The following TDRP variants were observed in gnomAD, a reference collection of about 807,000 sequenced individuals.
TDRP encodes testis development-related protein.
A neutral mutation model predicts 10.5 loss-of-function variants in TDRP; 12 were observed. The observed-to-expected ratio is 1.15, with a 90% CI of 0.73 to 1.86. The LOEUF (loss-of-function observed/expected upper bound fraction) is 1.86, where lower values mean the gene tolerates loss of function less well. Among genes scored for constraint, TDRP ranks in the 40% most tolerant of loss-of-function variants. The pLI is 0.00. For missense variants in TDRP, 353 were observed against 229.2 expected (o/e 1.54, Z -3.49); for synonymous variants, 139 against 95.4 (o/e 1.46, Z -2.67).
intron 1 of TDRP, among the ~76,000 whole-genome samples, chr8:513,275 A>G (rs972762906): frequency 3.3e-5 from 5 of 152,106 alleles, no homozygotes; most frequent in South Asian, 2.1e-4. Flanking sequence ...AAATGCCACC[A>G]AACTGAATCC....
intron 1 of TDRP, among the ~76,000 whole-genome samples, chr8:530,441 T>C (rs187716344): frequency 1.3e-5 from 2 of 152,264 alleles, no homozygotes; most frequent in East Asian, 3.9e-4. Context: ...TTGCTGGGAT[T>C]TGGGGTATCT....
At position 492,338 on chromosome 8, in the gene TDRP, A is replaced by T. The variant is rs141162627; in HGVS notation, c.*61T>A. 21,757 of 1,407,008 alleles carry T rather than the reference A, an allele frequency of 0.015. 182 individuals carry two copies. Among genetic ancestry groups the T allele is most frequent in the Non-Finnish European group, 0.019 (20,073 of 1,076,648 alleles). The allele number at this position is 1,407,008 out of a possible 1,614,324, so 87.2% of individuals were successfully genotyped here. ...CTTTCTAACGCGGAAAAGACTCAAC[A>T]ACTACATGGTATACTCATAAAAGGC... On this transcript the variant is annotated 3_prime_UTR_variant, in exon 3 of 3. Transcript: ENST00000324079.
intron 1 of TDRP, among the ~76,000 whole-genome samples, chr8:498,002 G>A (rs1397141722): frequency 2.0e-5 from 3 of 152,186 alleles, no homozygotes; most frequent in African/African-American, 7.2e-5. Context: ...TTCAGAGGAG[G>A]TATGGAAATG....
chr8:514,030 T>A (rs562118671), intron 1 of TDRP, among the ~76,000 whole-genome samples: 2 of 152,324 alleles, frequency 1.3e-5, no homozygotes, highest in African/African-American at 4.8e-5. Flanking sequence ...CCCAAACTGA[T>A]CTACACATTC....
At chr8:545,631 T>A (rs1802634136), upstream of TDRP, 1 of 152,062 alleles carries the variant, frequency 6.6e-6, no homozygotes, top group South Asian at 2.1e-4. Flanking sequence ...CTTCAGGGCA[T>A]CCCTCGGGGC....
At chr8:522,151 G>C (rs1157365153) in intron 1 of TDRP, among the ~76,000 whole-genome samples, 3 of 152,158 alleles carry the variant, frequency 2.0e-5, no homozygotes, top group African/African-American at 7.2e-5. Flanking sequence ...AGGTCAGACA[G>C]TCCCCTATTT....
chr8:516,354 G>C (rs1255615355), intron 1 of TDRP, among the ~76,000 whole-genome samples: 2 of 152,116 alleles, frequency 1.3e-5, no homozygotes, highest in Admixed American at 6.6e-5. Flanking sequence ...GAAAATATTT[G>C]GAAAAGGCAC....
chr8:513,838 T>C (rs1257124338), intron 1 of TDRP, among the ~76,000 whole-genome samples: 1 of 152,202 alleles, frequency 6.6e-6, no homozygotes, highest in Non-Finnish European at 1.5e-5. Context: ...ATCAATTGCG[T>C]TCTTACACAC....
chr8:492,737 A>C lies in TDRP; in HGVS notation c.220T>G (p.Leu74Val). 1 of 1,610,180 alleles carries C rather than the reference A, an allele frequency of 6.2e-7. No homozygotes were observed. Among genetic ancestry groups the C allele is most frequent in the Non-Finnish European group, 8.5e-7 (1 of 1,177,882 alleles). The change falls in exon 3 of 3, where the codon TTA (leucine) becomes GTA (valine). Residue 74 changes from leucine (L) to valine (V), a missense_variant. By Grantham distance (32) the Leu-to-Val change is conservative. Transcript: ENST00000324079. Reference protein sequence around the residue: ...CKSPKSKGTNLRLKEELKAEK... With the variant: ...CKSPKSKGTNVRLKEELKAEK... ...GCCTTCAACTCTTCTTTTAATCGTA[A>C]GTTAGTTCTATAGGAGATGAAAGAG...
At chr8:527,688 A>C (rs1802069689) in intron 1 of TDRP, among the ~76,000 whole-genome samples, 2 of 152,162 alleles carry the variant, frequency 1.3e-5, no homozygotes, top group Admixed American at 6.6e-5. Flanking sequence ...GGTTCTGGGA[A>C]AACTGGATAT....
intron 2 of TDRP, among the ~76,000 whole-genome samples, chr8:493,323 C>G (rs1477836633): frequency 2.0e-5 from 3 of 152,234 alleles, no homozygotes; most frequent in Non-Finnish European, 2.9e-5. Context: ...GTTAAGAACA[C>G]CAGTGCCCAG....
chr8:524,905 G>C (rs1331483184), intron 1 of TDRP, among the ~76,000 whole-genome samples: 1 of 152,140 alleles, frequency 6.6e-6, no homozygotes, highest in African/African-American at 2.4e-5. Context: ...TATTCAAAGG[G>C]AGAGTAACAG....
Position 494,475 on chromosome 8 carries a change from T to C in TDRP, c.212+19A>G, listed in dbSNP as rs756795489. 6.8e-6 allele frequency: 11 copies of C among 1,607,650 alleles called. No homozygotes were observed. In the South Asian group the frequency reaches 8.8e-5, roughly 13 times the overall value. On this transcript the variant is annotated intron_variant, in intron 2 of 2. Transcript: ENST00000324079. The stretch of plus-strand genomic sequence containing the variant: ...TCCCTCTCCTGAAATGATCATTTTC[T>C]TACACAGTTATGACTTACCCTTTGG...
chr8:516,532 G>T (rs955213622), intron 1 of TDRP, among the ~76,000 whole-genome samples: 24 of 152,138 alleles, frequency 1.6e-4, no homozygotes, highest in African/African-American at 5.6e-4. Flanking sequence ...TGTCATCAGG[G>T]AAATGCAAAT....
intron 1 of TDRP, among the ~76,000 whole-genome samples, chr8:522,995 G>A (rs967415857): frequency 1.3e-5 from 2 of 152,148 alleles, no homozygotes; most frequent in Non-Finnish European, 2.9e-5. Context: ...TTTGGTTGGG[G>A]AGTTTAATCC....
chr8:503,409 C>G (rs943013056), intron 1 of TDRP, among the ~76,000 whole-genome samples: 6 of 151,174 alleles, frequency 4.0e-5, no homozygotes, highest in African/African-American at 1.5e-4. Context: ...CACGCGTCAA[C>G]ACGGAATCCA....
Position 492,147 on chromosome 8 carries a change from A to C in TDRP, c.*252T>G. On this transcript the variant is annotated 3_prime_UTR_variant, in exon 3 of 3. Coordinates refer to ENST00000324079, the MANE Select transcript of TDRP (RefSeq NM_001384899.1). Reference sequence around the variant, plus strand: ...GAGAGCATCATAAATTCACATCTCCAGTTTCTGCAAAACATGGACTGATAG... The same window carrying C: ...GAGAGCATCATAAATTCACATCTCCCGTTTCTGCAAAACATGGACTGATAG... The C allele has an allele frequency of 8.0e-7, 1 of 1,249,636 alleles. No homozygotes were observed. The highest frequency in any genetic ancestry group is 1.0e-6 in the Non-Finnish European group (1 of 998,752). 77.4% of individuals were successfully genotyped at this position (1,249,636 alleles called of 1,614,324 possible).
At chr8:504,225 A>G (rs1801390411) in intron 1 of TDRP, among the ~76,000 whole-genome samples, 1 of 152,204 alleles carries the variant, frequency 6.6e-6, no homozygotes, top group Non-Finnish European at 1.5e-5. Context: ...TCCTCCTGTT[A>G]ATTTCTGCAA....
At chr8:534,828 G>A (rs1002576584) in intron 1 of TDRP, among the ~76,000 whole-genome samples, 1 of 152,138 alleles carries the variant, frequency 6.6e-6, no homozygotes. Context: ...AATATGAACT[G>A]TAACTACTTT....
Sources: allele counts gnomAD v4.1 joint callset (sites outside exome capture counted in the v4.1 genomes callset), GRCh38; gene constraint gnomAD v4.1.1; transcripts MANE v1.5; gene names NCBI Gene and HGNC (gene_info 2026-07-23, HGNC 2026-07-21).